ADAMTS17: variants seen among roughly 807,000 people sequenced by gnomAD.
The protein encoded by ADAMTS17 is A disintegrin and metalloproteinase with thrombospondin motifs 17.
Under a neutral mutation model 141.5 loss-of-function variants are expected in ADAMTS17, and 113 were observed. The ratio of observed to expected loss-of-function variants is 0.80; its 90% confidence interval spans 0.69 to 0.93. The LOEUF (loss-of-function observed/expected upper bound fraction) is 0.93, where lower values mean the gene tolerates loss of function less well. Ranked by LOEUF, ADAMTS17 falls within the 40% of genes least tolerant of loss-of-function variation. ADAMTS17 has a pLI of 0.00. For missense variants in ADAMTS17, 1,659 were observed against 1,517.9 expected (o/e 1.09, Z -1.54); for synonymous variants, 768 against 630.6 (o/e 1.22, Z -3.27).
intron 7 of ADAMTS17, among the ~76,000 whole-genome samples, chr15:100,202,774 G>A (rs1012000844): frequency 2.0e-5 from 3 of 152,192 alleles, no homozygotes; most frequent in East Asian, 1.9e-4. Flanking sequence ...GTCAAGAAAT[G>A]AGGAAAAACC....
At chr15:100,336,977 G>T (rs1211491899) in intron 2 of ADAMTS17, among the ~76,000 whole-genome samples, 1 of 152,124 alleles carries the variant, frequency 6.6e-6, no homozygotes, top group South Asian at 2.1e-4. Context: ...AGGTTCAAGC[G>T]ATTCTCCTGC....
chr15:100,126,057 C>A (rs971279057), intron 12 of ADAMTS17: 1 of 152,228 alleles, frequency 6.6e-6, no homozygotes, highest in South Asian at 2.1e-4. Flanking sequence ...GGGGAGAGGA[C>A]GTTGTTTTCG....
chr15:100,090,757 C>A (rs539994454), intron 15 of ADAMTS17, among the ~76,000 whole-genome samples: 4 of 152,088 alleles, frequency 2.6e-5, no homozygotes, highest in Non-Finnish European at 5.9e-5. Context: ...CCTGTAATTC[C>A]AGCACTTTGG....
At chr15:100,322,683 A>G (rs2045766476) in intron 3 of ADAMTS17, among the ~76,000 whole-genome samples, 1 of 152,230 alleles carries the variant, frequency 6.6e-6, no homozygotes, top group African/African-American at 2.4e-5. Flanking sequence ...CAAGGACTTA[A>G]AGGAAAATGT....
At position 100,268,617 on chromosome 15, in the gene ADAMTS17, T is replaced by A. The variant is rs552428266; in HGVS notation, c.790-6182A>T. 6.0e-4 allele frequency among the ~76,000 whole-genome samples: 92 copies of A among 152,328 alleles called. 1 individual carries two copies. The highest frequency in any genetic ancestry group is 2.1e-3 in the African/African-American group (88 of 41,574). On this transcript the variant is annotated intron_variant, in intron 4 of 21. Coordinates refer to ENST00000268070, the MANE Select transcript of ADAMTS17 (RefSeq NM_139057.4). Reference sequence around the variant, plus strand: ...CTTTTGAGAAGTGTCAGTTCATGTTTTTTGCACACTTTTTAATGGGGTTGC... The same window carrying A: ...CTTTTGAGAAGTGTCAGTTCATGTTATTTGCACACTTTTTAATGGGGTTGC...
intron 7 of ADAMTS17, among the ~76,000 whole-genome samples, chr15:100,214,120 T>G (rs887219900): frequency 6.6e-6 from 1 of 152,160 alleles, no homozygotes; most frequent in Non-Finnish European, 1.5e-5. Flanking sequence ...GGCGCCCTCC[T>G]GAATGGAACC....
chr15:100,239,101 C>T (rs916300535), intron 7 of ADAMTS17, among the ~76,000 whole-genome samples: 28 of 152,126 alleles, frequency 1.8e-4, no homozygotes, highest in African/African-American at 2.4e-4. Context: ...AAAAAGAAAA[C>T]GAAATGTGAG....
At chr15:100,071,303 T>C (rs2033953803) in intron 15 of ADAMTS17, among the ~76,000 whole-genome samples, 1 of 150,090 alleles carries the variant, frequency 6.7e-6, no homozygotes, top group South Asian at 2.1e-4. Context: ...AGCCGAATTC[T>C]ACCAGAGGTA....
chr15:100,179,957 T>C (rs2040469370), intron 8 of ADAMTS17, among the ~76,000 whole-genome samples: 1 of 152,208 alleles, frequency 6.6e-6, no homozygotes, highest in Non-Finnish European at 1.5e-5. Context: ...TTGTAAATAT[T>C]TTCTCCCATT....
intron 3 of ADAMTS17, among the ~76,000 whole-genome samples, chr15:100,309,611 C>T (rs992821264): frequency 2.0e-5 from 3 of 152,222 alleles, no homozygotes; most frequent in Non-Finnish European, 2.9e-5. Flanking sequence ...TACAACGTGC[C>T]AGGCATGTGG....
chr15:100,325,993 C>T (rs1567540036), intron 3 of ADAMTS17, among the ~76,000 whole-genome samples: 1 of 152,116 alleles, frequency 6.6e-6, no homozygotes, highest in African/African-American at 2.4e-5. Flanking sequence ...ACCAACAAAA[C>T]AATAAATTTC....
chr15:100,252,025 G>A (rs79623631), intron 7 of ADAMTS17, among the ~76,000 whole-genome samples: 7,272 of 152,198 alleles, frequency 0.048, 384 homozygotes, highest in African/African-American at 0.12. Context: ...TTGTTATGGC[G>A]CCCGAGCAAA....
At chr15:100,090,624 G>A (rs1254020950) in intron 15 of ADAMTS17, among the ~76,000 whole-genome samples, 1 of 152,198 alleles carries the variant, frequency 6.6e-6, no homozygotes, top group Non-Finnish European at 1.5e-5. Context: ...GTACCCAAGT[G>A]AGCCCACCCT....
At chr15:100,265,507 G>A (rs1243117458) in intron 4 of ADAMTS17, among the ~76,000 whole-genome samples, 1 of 152,198 alleles carries the variant, frequency 6.6e-6, no homozygotes, top group Non-Finnish European at 1.5e-5. Context: ...CAGCCTAGGG[G>A]CCTAGCAGGG....
chr15:100,001,994 C>CAAAAACAA (rs2060935257), intron 18 of ADAMTS17, among the ~76,000 whole-genome samples: 1 of 58,382 alleles, frequency 1.7e-5, no homozygotes, highest in Non-Finnish European at 3.1e-5. Context: ...AGGCCAAACC[C>CAAAAACAA]AAAAAAAAAA....
At chr15:100,283,805 A>T (rs963586099) in intron 3 of ADAMTS17, among the ~76,000 whole-genome samples, 2 of 152,138 alleles carry the variant, frequency 1.3e-5, no homozygotes, top group African/African-American at 2.4e-5. Context: ...GACACTTAAC[A>T]TTTCAAAATC....
intron 4 of ADAMTS17, among the ~76,000 whole-genome samples, chr15:100,268,593 T>G (rs932436099): frequency 2.0e-5 from 3 of 152,242 alleles, no homozygotes; most frequent in African/African-American, 7.2e-5. Flanking sequence ...GTATGTCTTC[T>G]TTTGAGAAGT....
chr15:100,266,782 G>C (rs1426977080), intron 4 of ADAMTS17, among the ~76,000 whole-genome samples: 1 of 152,100 alleles, frequency 6.6e-6, no homozygotes, highest in East Asian at 1.9e-4. Context: ...GCTGTCCCCT[G>C]GTTCTCTGCA....
chr15:100,290,093 A>G (rs1042080289), intron 3 of ADAMTS17, among the ~76,000 whole-genome samples: 2 of 152,150 alleles, frequency 1.3e-5, no homozygotes, highest in African/African-American at 4.8e-5. Flanking sequence ...TGCAGACGTT[A>G]TGATTTTACA....
Sources: allele counts gnomAD v4.1 joint callset (sites outside exome capture counted in the v4.1 genomes callset), GRCh38; gene constraint gnomAD v4.1.1; transcripts MANE v1.5; gene names NCBI Gene and HGNC (gene_info 2026-07-23, HGNC 2026-07-21).